C3: variants seen among roughly 807,000 people sequenced by gnomAD.
The protein encoded by C3 is C3 and PZP-like alpha-2-macroglobulin domain-containing protein 1.
C3 carries 97 observed loss-of-function variants against 207.9 expected under a neutral mutation model. The ratio of observed to expected loss-of-function variants is 0.47; its 90% CI spans 0.40 to 0.55. The LOEUF is 0.55. C3 is among the 20% of genes least tolerant of loss of function. The probability of loss-of-function intolerance (pLI) is 0.00; values close to 1 mark genes in which losing one functional copy is unlikely to be tolerated. For missense variants in C3, 1,684 were observed against 2,171.7 expected (o/e 0.78, Z 4.46); for synonymous variants, 848 against 857.6 (o/e 0.99, Z 0.20).
At chr19:6,701,306 TG>T (rs1967667724) in intron 19 of C3, among the ~76,000 whole-genome samples, 1 of 152,100 alleles carries the variant, frequency 6.6e-6, no homozygotes, top group Non-Finnish European at 1.5e-5. Context: ...AGATTTTCGA[TG>T]CTAATGAGAC....
At chr19:6,684,911 C>T in intron 30 of C3, 77 bp from the exon 31 acceptor site, 1 of 1,609,154 alleles carries the variant, frequency 6.2e-7, no homozygotes, top group Non-Finnish European at 8.5e-7. Flanking sequence ...CTGGCCCTCC[C>T]TCTTGCTTCC....
chr19:6,692,914 A>G lies in C3; in HGVS notation c.3390+10T>C. ...TCTCTTCCATTTTGCCCTAAATCCC[A>G]GCCTCTTACAATCATTTCTTGGTGT... On this transcript the variant is annotated intron_variant, in intron 26 of 40. Coordinates refer to ENST00000245907, the MANE Select transcript of C3 (RefSeq NM_000064.4). The G allele has an allele frequency of 1.9e-6, 3 of 1,613,598 alleles. No homozygotes were observed. Among genetic ancestry groups the G allele is most frequent in the South Asian group, 2.2e-5 (2 of 91,058 alleles).
chr19:6,679,986 ACCT>A (rs1917818576), intron 36 of C3, 169 bp downstream of exon 36: 2 of 638,638 alleles, frequency 3.1e-6, no homozygotes, highest in South Asian at 3.1e-5. Flanking sequence ...GAACCTCAGA[ACCT>A]CAACTCATAG....
Position 6,708,006 on chromosome 19 carries a change from A to T in C3, c.1846-77T>A. 4 of 1,570,044 alleles carry T rather than the reference A, an allele frequency of 2.5e-6. No homozygotes were observed. In the South Asian group the frequency reaches 4.4e-5, roughly 17 times the overall value. ...GGATCCCCCACATATGCACCTGTGT[A>T]TCTCTTCCCAAATGACCCCACCCTG... On this transcript the variant is annotated intron_variant, in intron 14 of 40. Transcript: ENST00000245907.
intron 31 of C3, 52 bp downstream of exon 31, chr19:6,684,723 C>T (rs1917955348): frequency 1.9e-6 from 3 of 1,607,020 alleles, no homozygotes; most frequent in Non-Finnish European, 2.6e-6. Flanking sequence ...GGAGATGGTC[C>T]CTCTGGGGCA....
chr19:6,689,374 T>TCTCTCTCTCTCTCTCTCTC lies in C3; in HGVS notation c.3489+1254_3489+1255insGAGAGAGAGAGAGAGAGAG. On this transcript the variant is annotated intron_variant, in intron 27 of 40. Transcript: ENST00000245907. ...CTCCCTCCCTCCCTCTCTCTCTCTC[T>TCTCTCTCTCTCTCTCTCTC]CTCTCTCTCTCTCTGCCTTGGTCCC... 6.3e-4 allele frequency among the ~76,000 whole-genome samples: 73 copies of TCTCTCTCTCTCTCTCTCTC among 116,350 alleles called. 5 individuals carry two copies. The highest frequency in any genetic ancestry group is 2.9e-3 in the African/African-American group (71 of 24,454). The allele number at this position is 116,350 out of a possible 152,430, so 76.3% of individuals were successfully genotyped here. A position where few individuals can be genotyped will look rare whatever the true frequency, so the allele number is the denominator to read the frequency against.
At position 6,696,000 on chromosome 19, in the gene C3, G is replaced by C. The variant is rs1967523611; in HGVS notation, c.2950+379C>G. 2.0e-5 allele frequency among the ~76,000 whole-genome samples: 3 copies of C among 151,560 alleles called. No individual in the cohort carries two copies. In the South Asian group the frequency reaches 6.2e-4, roughly 32 times the overall value. ...TGAGGCGGGTGGATCACGAGGTCAG[G>C]AGATCGAGACCATCCTGGCTAACAC... On this transcript the variant is annotated intron_variant, in intron 23 of 40. Coordinates refer to ENST00000245907, the MANE Select transcript of C3 (RefSeq NM_000064.4).
intron 4 of C3, among the ~76,000 whole-genome samples, chr19:6,715,255 G>C (rs928281074): frequency 3.3e-4 from 50 of 152,134 alleles, no homozygotes; most frequent in African/African-American, 1.2e-3. Flanking sequence ...TGGGAAGATT[G>C]CTCAAGGTCA....
chr19:6,709,947 G>T, intron 13 of C3, 105 bp from the exon 14 acceptor site: 1 of 1,016,322 alleles, frequency 9.8e-7, no homozygotes, highest in Non-Finnish European at 1.5e-6. Context: ...AGGTTGGGGG[G>T]AGCCGTGGGG....
chr19:6,698,638 G>T (rs1387972987), intron 19 of C3, among the ~76,000 whole-genome samples: 1 of 151,992 alleles, frequency 6.6e-6, no homozygotes, highest in African/African-American at 2.4e-5. Context: ...GAGCCCAGGA[G>T]TTCAAGGCTG....
rs1265210034 is a variant in C3 at position 6,718,313 on chromosome 19, C to G, written c.367G>C (p.Val123Leu). 1.2e-6 allele frequency: 2 copies of G among 1,614,228 alleles called. No homozygotes were observed. Among genetic ancestry groups the G allele is most frequent in the South Asian group, 2.2e-5 (2 of 91,086 alleles). Residue 123 changes from valine (V) to leucine (L), a missense_variant, in exon 3 of 41, where the codon GTC becomes CTC. Val to Leu is a conservative substitution (Grantham distance 32). This residue lies in a region of C3 where 1,280 missense variants were observed against 1,739.1 expected (regional missense o/e 0.74). Transcript: ENST00000245907. ...AAGAGGTACCCGCTCTGCAGGCTGA[C>G]CAGCACCACCTTCTCCACCACTTGG... The part of the protein sequence containing the change: ...GTQVVEKVVL[V>L]SLQSGYLFIQ...
At chr19:6,714,527 G>A in intron 4 of C3, 81 bp from the exon 5 acceptor site, 2 of 958,686 alleles carry the variant, frequency 2.1e-6, no homozygotes, top group South Asian at 1.3e-5. Flanking sequence ...TCCCCGACCT[G>A]TGTCTGGACA....
chr19:6,682,792 AGT>A (rs1724035421), intron 33 of C3: 2 of 166,458 alleles, frequency 1.2e-5, no homozygotes, highest in Non-Finnish European at 2.6e-5. Flanking sequence ...CAGACAGCAA[AGT>A]GTGTAGTTCT....
intron 17 of C3, among the ~76,000 whole-genome samples, chr19:6,704,673 C>T (rs532068435): frequency 6.6e-6 from 1 of 152,080 alleles, no homozygotes; most frequent in African/African-American, 2.4e-5. Context: ...GCAGGAGAAT[C>T]ACTTGAACAC....
chr19:6,703,070 C>T lies in C3; in HGVS notation c.2246-491G>A, dbSNP rs567760142. On this transcript the variant is annotated intron_variant, in intron 17 of 40. Coordinates refer to ENST00000245907, the MANE Select transcript of C3 (RefSeq NM_000064.4). ...AAAAAACAAACAAAAAGAGAGCCGA[C>T]CTACTTCCTCAGCGGTCACACCTTT... Among the ~76,000 whole-genome samples, 5 of 152,116 alleles carry T rather than the reference C, an allele frequency of 3.3e-5. 1 individual carries two copies. The East Asian group carries it at 9.7e-4, about 29-fold the overall frequency.
Position 6,707,358 on chromosome 19 carries a change from T to C in C3, c.2048-85A>G, listed in dbSNP as rs967947199. ...ACGCGGGACGGACCCCAGGGAGGAC[T>C]TCCCCGCCGCCAGGGCCTCCCCTCC... On this transcript the variant is annotated intron_variant, in intron 16 of 40. Transcript: ENST00000245907. The C allele has an allele frequency of 3.8e-6, 6 of 1,594,376 alleles. No homozygotes were observed. The African/African-American group carries it at 8.1e-5, about 21-fold the overall frequency.
rs1257592266 is a variant in C3, at chr19:6,712,589, G to T, written c.1038C>A (p.Ile346=). 6.2e-7 allele frequency: 1 copy of T among 1,614,012 alleles called. No individual in the cohort carries two copies. The highest frequency in any genetic ancestry group is 1.3e-5 in the African/African-American group (1 of 74,914). ...SDMVQAERSG[I]PIVTSPYQIH... The stretch of plus-strand genomic sequence containing the variant: ...TCTGGTAGGGAGAGGTCACGATGGG[G>T]ATCCCGCTGCGCTCTGCCTGCACCA... Residue 346 remains isoleucine (I), a synonymous_variant, in exon 10 of 41, where the codon ATC becomes ATA. Transcript: ENST00000245907.
chr19:6,689,176 C>A (rs1453603872), intron 27 of C3, among the ~76,000 whole-genome samples: 4 of 152,028 alleles, frequency 2.6e-5, no homozygotes, highest in African/African-American at 9.7e-5. Context: ...ACTCAGAGGC[C>A]TAAAAATACA....
rs963340546 is a variant in C3 at position 6,696,438 on chromosome 19, G to A, written c.2891C>T (p.Pro964Leu). 1 of 1,613,820 alleles carries A rather than the reference G, an allele frequency of 6.2e-7. No homozygotes were observed. Among genetic ancestry groups the A allele is most frequent in the African/African-American group, 1.3e-5 (1 of 75,010 alleles). ...CGGGACTTGGTCACTGAGGTCTGCA[G>A]GTGGGATGTCCTCTTTCTGCACTCC... is the stretch of plus-strand genomic sequence containing the variant. ...REGVQKEDIP[P>L]ADLSDQVPDT... The change falls in exon 23 of 41, where the codon CCT (proline) becomes CTT (leucine). Residue 964 changes from proline to leucine, a missense_variant. Physicochemically the swap from Pro to Leu is moderately conservative, Grantham distance 98. Around this residue, in one of 3 missense-constraint regions of C3, gnomAD observed 1,280 missense variants for 1,739.1 expected, o/e 0.74. Transcript: ENST00000245907.
Sources: gnomAD v4.1 joint callset for allele counts (sites outside exome capture counted in the v4.1 genomes callset) on GRCh38, gnomAD v4.1.1 for gene constraint, gnomAD v4.1.1 regional missense constraint, MANE v1.5 for transcripts, NCBI Gene and HGNC (gene_info 2026-07-23, HGNC 2026-07-21) for gene names.